GDF5: variants seen among roughly 807,000 people sequenced by gnomAD.
GDF5 encodes growth differentiation factor 5.
Under a neutral mutation model 34.6 loss-of-function variants are expected in GDF5, and 17 were observed. The ratio of observed to expected loss-of-function variants is 0.49; its 90% CI spans 0.34 to 0.74. The LOEUF (loss-of-function observed/expected upper bound fraction) is 0.74. Ranked by LOEUF, GDF5 falls within the 30% of genes least tolerant of loss-of-function variation. The probability of loss-of-function intolerance (pLI) is 0.01; values close to 1 mark genes in which losing one functional copy is unlikely to be tolerated. For missense variants in GDF5, 616 were observed against 661.2 expected (o/e 0.93, Z 0.75); for synonymous variants, 332 against 290.7 (o/e 1.14, Z -1.44).
intron 1 of GDF5, among the ~76,000 whole-genome samples, chr20:35,449,061 C>T (rs1970018036): frequency 6.6e-6 from 1 of 152,168 alleles, no homozygotes. Flanking sequence ...CTAACACATC[C>T]CATGCTCTAG....
rs1455072876 is a variant in GDF5, at chr20:35,451,065, AT to A, written c.-398+3574del. On this transcript the variant is annotated intron_variant, in intron 1 of 3. Transcript: ENST00000374372. ...CAGAAAAAAAAAAAAAAAAAAAAAAATATATATATATATATATATATATATA... is the reference window on the plus strand; with the variant it reads ...CAGAAAAAAAAAAAAAAAAAAAAAAAATATATATATATATATATATATATA... Among the ~76,000 whole-genome samples the A allele has an allele frequency of 0.015, 719 of 46,532 alleles. 72 individuals are homozygous for A. The East Asian group carries it at 0.17, about 11-fold the overall frequency. 30.5% of individuals were successfully genotyped at this position (46,532 alleles called of 152,430 possible). A position where few individuals can be genotyped will look rare whatever the true frequency, so the allele number is the denominator to read the frequency against.
chr20:35,444,814 C>T (rs1376628578), intron 1 of GDF5, among the ~76,000 whole-genome samples: 2 of 152,078 alleles, frequency 1.3e-5, no homozygotes, highest in Non-Finnish European at 2.9e-5. Context: ...AGGCTGGTCT[C>T]GAACTCCTGA....
Position 35,434,636 on chromosome 20 carries a change from GC to G in GDF5, c.778del (p.Ala260LeufsTer4), listed in dbSNP as rs1404992241. On this transcript the variant is annotated frameshift_variant, in exon 2 of 2. Transcript: ENST00000374369. LOFTEE classifies it high-confidence loss of function. ...GCAGCTGGACAGCTTCAGCTGGGCA[GC>G]CCGCCCGCCTCCGGGGGCCGCTGGC... ...AKPAAPGGGR[A>X]AQLKLSSCPS... 1 of 1,607,618 alleles carries G rather than the reference GC, an allele frequency of 6.2e-7. No homozygotes were observed. The highest frequency in any genetic ancestry group is 8.5e-7 in the Non-Finnish European group (1 of 1,175,454).
At chr20:35,434,865 C>T (rs1395486933) in intron 1 of GDF5, 82 bp from the exon 2 acceptor site, 2 of 1,410,096 alleles carry the variant, frequency 1.4e-6, no homozygotes, top group Admixed American at 3.3e-5. Context: ...AAGGCCCCAG[C>T]TCTCTCCCAG....
At chr20:35,436,003 A>G (rs1316739153) in intron 1 of GDF5, among the ~76,000 whole-genome samples, 1 of 152,080 alleles carries the variant, frequency 6.6e-6, no homozygotes, top group Non-Finnish European at 1.5e-5. Flanking sequence ...TGTGTGAGTC[A>G]GCATGCATGT....
In GDF5 at chr20:35,437,728, C is replaced by T. The variant is rs371869707; in HGVS notation, c.201G>A (p.Gly67=). The change falls in exon 1 of 2, where the codon GGG becomes GGA. Residue 67 remains glycine (G), a synonymous_variant. Transcript: ENST00000374369. Reference sequence around the variant, plus strand: ...CCCTGGCATTGGCATTGGTGGCCCCCCCACCATAGCTGTGACCCCCTGGCC... The same window carrying T: ...CCCTGGCATTGGCATTGGTGGCCCCTCCACCATAGCTGTGACCCCCTGGCC... The part of the protein sequence containing the change: ...VFRPGGHSYG[G]GATNANARAK... 6.9e-5 allele frequency: 112 copies of T among 1,613,444 alleles called. No individual in the cohort carries two copies. The highest frequency in any genetic ancestry group is 1.6e-4 in the Middle Eastern group (1 of 6,080).
chr20:35,440,153 G>C (rs1468575309), upstream of GDF5, among the ~76,000 whole-genome samples: 1 of 151,106 alleles, frequency 6.6e-6, no homozygotes, highest in Non-Finnish European at 1.5e-5. Flanking sequence ...CTGACCTCAA[G>C]TGATCCACCC....
upstream of GDF5, among the ~76,000 whole-genome samples, chr20:35,440,239 A>G (rs2062493626): frequency 2.7e-5 from 4 of 147,566 alleles, no homozygotes; most frequent in Admixed American, 2.0e-4. Context: ...TGTGGAGGCA[A>G]AGGTTGCAGT....
In GDF5 at chr20:35,434,256, G is replaced by C; in HGVS notation, c.1159C>G (p.Arg387Gly). The C allele has an allele frequency of 6.2e-7, 1 of 1,613,942 alleles. No homozygotes were observed. The highest frequency in any genetic ancestry group is 8.5e-7 in the Non-Finnish European group (1 of 1,180,016). The change falls in exon 2 of 2, where the codon CGC becomes GGC. Residue 387 changes from arginine to glycine, a missense_variant. Physicochemically the swap from Arg to Gly is moderately radical, Grantham distance 125. Coordinates refer to ENST00000374369, the MANE Select transcript of GDF5 (RefSeq NM_000557.5). Reference protein sequence around the residue: ...RRKRRAPLATRQGKRPSKNLK... With the variant: ...RRKRRAPLATGQGKRPSKNLK... ...TTCTTGCTGGGTCGCTTGCCCTGGC[G>C]AGTGGCCAGTGGGGCCCGCCGTTTT... is the stretch of plus-strand genomic sequence containing the variant.
upstream of GDF5, among the ~76,000 whole-genome samples, chr20:35,438,952 C>A (rs576810529): frequency 7.3e-5 from 11 of 151,466 alleles, no homozygotes; most frequent in African/African-American, 2.7e-4. Context: ...CATTTACCCA[C>A]ATTTTCTTTT....
chr20:35,440,943 T>C (rs2062495571), upstream of GDF5, among the ~76,000 whole-genome samples: 1 of 152,218 alleles, frequency 6.6e-6, no homozygotes, highest in Non-Finnish European at 1.5e-5. Flanking sequence ...ATTTTCTACT[T>C]TGAGGTGTAG....
chr20:35,451,062 A>AT (rs1437374461), intron 1 of GDF5, among the ~76,000 whole-genome samples: 6 of 69,744 alleles, frequency 8.6e-5, no homozygotes, highest in African/African-American at 4.2e-4. Flanking sequence ...AAAAAAAAAA[A>AT]AAATATATAT....
intron 1 of GDF5, among the ~76,000 whole-genome samples, chr20:35,444,738 G>T (rs984756829): frequency 2.0e-5 from 3 of 152,104 alleles, no homozygotes; most frequent in African/African-American, 7.2e-5. Context: ...GGGATTACAG[G>T]TGCCCGTCAC....
At chr20:35,439,479 G>A (rs1414641664), upstream of GDF5, among the ~76,000 whole-genome samples, 1 of 151,994 alleles carries the variant, frequency 6.6e-6, no homozygotes. Context: ...CGCCCGCCTC[G>A]GCCTCCCAAA....
intron 1 of GDF5, among the ~76,000 whole-genome samples, chr20:35,436,720 G>A (rs2062474113): frequency 6.6e-6 from 1 of 152,148 alleles, no homozygotes; most frequent in Non-Finnish European, 1.5e-5. Flanking sequence ...GAGACCCCAA[G>A]TGAGAAGGAG....
At position 35,434,009 on chromosome 20, in the gene GDF5, G is replaced by C. The variant is rs748141103; in HGVS notation, c.1406C>G (p.Thr469Arg). ...GAGGATGCTGATGGGACTCAGCCGC[G>C]TGGGCACACAGCAGGTGGGTGGTGT... ...ESTPPTCCVP[T>R]RLSPISILFI... Residue 469 changes from threonine (T) to arginine (R), a missense_variant, in exon 2 of 2, where the codon ACG becomes AGG. Coordinates refer to ENST00000374369, the MANE Select transcript of GDF5 (RefSeq NM_000557.5). 131 of 1,613,886 alleles carry C rather than the reference G, an allele frequency of 8.1e-5. No homozygotes were observed. The highest frequency in any genetic ancestry group is 1.6e-4 in the Middle Eastern group (1 of 6,084).
rs772242764 is a variant in GDF5 at position 35,434,670 on chromosome 20, T to C, written c.745A>G (p.Thr249Ala). The C allele has an allele frequency of 1.9e-6, 3 of 1,612,458 alleles. No homozygotes were observed. The highest frequency in any genetic ancestry group is 2.5e-6 in the Non-Finnish European group (3 of 1,179,202). The change falls in exon 2 of 2, where the codon ACG becomes GCG. Residue 249 changes from threonine to alanine, a missense_variant. By Grantham distance (58) the Thr-to-Ala change is moderately conservative (BLOSUM62 0). Coordinates refer to ENST00000374369, the MANE Select transcript of GDF5 (RefSeq NM_000557.5). The stretch of plus-strand genomic sequence containing the variant: ...CCTCCGGGGGCCGCTGGCTTGGCCG[T>C]GTCCGAGGGCTTCTTCCGCAAGATC... The part of the protein sequence containing the change: ...LRILRKKPSD[T>A]AKPAAPGGGR...
upstream of GDF5, among the ~76,000 whole-genome samples, chr20:35,442,793 A>G (rs1048206735): frequency 6.6e-6 from 1 of 151,486 alleles, no homozygotes; most frequent in African/African-American, 2.4e-5. Context: ...TGATCTGCCC[A>G]CCTCGGCCTC....
upstream of GDF5, among the ~76,000 whole-genome samples, chr20:35,440,353 TA>T (rs1377777152): frequency 6.6e-6 from 1 of 151,556 alleles, no homozygotes; most frequent in East Asian, 1.9e-4. Context: ...ATAAAAAAAT[TA>T]AAAACAGACT....
Sources: allele counts gnomAD v4.1 joint callset (sites outside exome capture counted in the v4.1 genomes callset), GRCh38; gene constraint gnomAD v4.1.1; transcripts MANE v1.5; gene names NCBI Gene and HGNC (gene_info 2026-07-23, HGNC 2026-07-21).